The following CSMD1 variants were observed in gnomAD, a reference collection of about 807,000 sequenced individuals.
CSMD1 encodes the protein CUB and sushi domain-containing protein 1.
A neutral mutation model predicts 417.5 loss-of-function variants in CSMD1; 213 were observed. The observed-to-expected ratio is 0.51, with a 90% CI of 0.46 to 0.57. The LOEUF (loss-of-function observed/expected upper bound fraction) is 0.57. Among genes scored for constraint, CSMD1 ranks in the 20% least tolerant of loss-of-function variants. CSMD1 has a pLI of 0.00. For missense variants in CSMD1, 6,923 were observed against 4,529.7 expected (o/e 1.53, Z -15.17); for synonymous variants, 2,862 against 1,736.8 (o/e 1.65, Z -16.11).
At chr8:4,659,995 T>C (rs1193661330) in intron 1 of CSMD1, among the ~76,000 whole-genome samples, 1 of 151,552 alleles carries the variant, frequency 6.6e-6, no homozygotes, top group African/African-American at 2.4e-5. Context: ...GAGTATATAC[T>C]CAACTTGTAA....
At chr8:4,769,376 T>C (rs1030316911) in intron 1 of CSMD1, among the ~76,000 whole-genome samples, 3 of 152,226 alleles carry the variant, frequency 2.0e-5, no homozygotes, top group Admixed American at 6.5e-5. Context: ...GAGGGAATTA[T>C]GCATGAGGAG....
intron 1 of CSMD1, among the ~76,000 whole-genome samples, chr8:4,761,382 G>C (rs1345053472): frequency 6.6e-6 from 1 of 151,152 alleles, no homozygotes; most frequent in Non-Finnish European, 1.5e-5. Context: ...GTGTGTGTGT[G>C]TGTATATATA....
At chr8:4,399,771 T>TCTGCTTTTA (rs1804525378) in intron 3 of CSMD1, among the ~76,000 whole-genome samples, 7 of 152,212 alleles carry the variant, frequency 4.6e-5, no homozygotes, top group South Asian at 2.1e-4. Flanking sequence ...ATTTTCCTCA[T>TCTGCTTTTA]GTGAGTCTAT....
chr8:3,860,414 T>C (rs1294968481), intron 5 of CSMD1, among the ~76,000 whole-genome samples: 3 of 152,254 alleles, frequency 2.0e-5, no homozygotes, highest in East Asian at 1.9e-4. Flanking sequence ...TCAATGTTTC[T>C]ATGTTACTAA....
chr8:3,159,431 T>C (rs990299283), intron 38 of CSMD1, among the ~76,000 whole-genome samples: 1 of 152,214 alleles, frequency 6.6e-6, no homozygotes, highest in Non-Finnish European at 1.5e-5. Flanking sequence ...ATCATTCCAA[T>C]ATTCAGGATT....
At chr8:4,504,709 A>G (rs1032549372) in intron 2 of CSMD1, among the ~76,000 whole-genome samples, 14 of 151,824 alleles carry the variant, frequency 9.2e-5, no homozygotes, top group Non-Finnish European at 1.8e-4. Context: ...TTCAACTCCC[A>G]CTTATGAGTC....
chr8:3,720,458 T>C (rs1260483371), intron 6 of CSMD1, among the ~76,000 whole-genome samples: 1 of 152,198 alleles, frequency 6.6e-6, no homozygotes, highest in Non-Finnish European at 1.5e-5. Context: ...AGAATACATG[T>C]GTCCTTTCAG....
chr8:3,512,954 T>C (rs1057455255), intron 10 of CSMD1, among the ~76,000 whole-genome samples: 9 of 152,054 alleles, frequency 5.9e-5, no homozygotes, highest in African/African-American at 1.7e-4. Flanking sequence ...GAGCCACAGA[T>C]AGCAAAAATA....
At chr8:4,014,543 GCCGT>G (rs1796431200) in intron 4 of CSMD1, among the ~76,000 whole-genome samples, 2 of 152,118 alleles carry the variant, frequency 1.3e-5, no homozygotes, top group Admixed American at 1.3e-4. Context: ...GATCCTAATA[GCCGT>G]TATTGGTATT....
At chr8:4,811,687 G>A (rs535022138) in intron 1 of CSMD1, among the ~76,000 whole-genome samples, 8 of 151,990 alleles carry the variant, frequency 5.3e-5, no homozygotes, top group South Asian at 2.1e-4. Context: ...GGCTCATTGA[G>A]TCACAGAAAT....
At chr8:3,102,108 G>C (rs1239147533) in intron 46 of CSMD1, among the ~76,000 whole-genome samples, 1 of 152,146 alleles carries the variant, frequency 6.6e-6, no homozygotes, top group East Asian at 1.9e-4. Context: ...TTCTAAAAGT[G>C]TGGTTATGAC....
chr8:4,366,239 G>T (rs991660679), intron 3 of CSMD1, among the ~76,000 whole-genome samples: 1 of 139,058 alleles, frequency 7.2e-6, no homozygotes, highest in Non-Finnish European at 1.5e-5. Flanking sequence ...CCATGTAGCT[G>T]CAAAAGACGT....
intron 4 of CSMD1, among the ~76,000 whole-genome samples, chr8:4,026,827 C>T (rs930068607): frequency 7.2e-5 from 11 of 152,098 alleles, no homozygotes; most frequent in South Asian, 2.1e-4. Context: ...AGGGAGATGA[C>T]AGGGAGACTC....
intron 11 of CSMD1, among the ~76,000 whole-genome samples, chr8:3,471,253 G>C (rs1179825157): frequency 6.6e-6 from 1 of 152,104 alleles, no homozygotes; most frequent in Non-Finnish European, 1.5e-5. Context: ...TGTCTCATGG[G>C]TTTATTTGCC....
intron 2 of CSMD1, among the ~76,000 whole-genome samples, chr8:4,444,512 GT>G (rs554262271): frequency 8.1e-4 from 124 of 152,160 alleles, no homozygotes; most frequent in African/African-American, 2.7e-3. Context: ...TGACAGACAA[GT>G]TTTTTTAGCC....
intron 1 of CSMD1, among the ~76,000 whole-genome samples, chr8:4,978,274 G>T (rs1278770379): frequency 6.6e-6 from 1 of 152,140 alleles, no homozygotes; most frequent in Non-Finnish European, 1.5e-5. Context: ...GGCAGGTGGA[G>T]GTATAGCAGC....
At chr8:4,577,054 C>T (rs535896741) in intron 2 of CSMD1, among the ~76,000 whole-genome samples, 25 of 152,188 alleles carry the variant, frequency 1.6e-4, no homozygotes, top group South Asian at 4.1e-4. Flanking sequence ...GCTTTGATTA[C>T]GAACAGGCCA....
intron 1 of CSMD1, among the ~76,000 whole-genome samples, chr8:4,939,529 A>G (rs898613397): frequency 4.6e-5 from 7 of 152,242 alleles, no homozygotes. Flanking sequence ...ACATTAAATG[A>G]AATGAGCCAG....
chr8:4,480,914 T>A (rs1313585923), intron 2 of CSMD1, among the ~76,000 whole-genome samples: 1 of 152,182 alleles, frequency 6.6e-6, no homozygotes, highest in African/African-American at 2.4e-5. Flanking sequence ...GTTGTTGAGT[T>A]CATCATCTTA....
Sources: allele counts gnomAD v4.1 joint callset (sites outside exome capture counted in the v4.1 genomes callset), GRCh38; gene constraint gnomAD v4.1.1; transcripts MANE v1.5; gene names NCBI Gene and HGNC (gene_info 2026-07-23, HGNC 2026-07-21).